The following CMTM4 variants were observed in gnomAD, a reference collection of about 807,000 sequenced individuals.
CMTM4 encodes the protein CKLF like MARVEL transmembrane domain containing 4.
A neutral mutation model predicts 19.0 loss-of-function variants in CMTM4; 8 were observed. That is an observed-to-expected ratio of 0.42 (90% CI 0.25 to 0.76). The LOEUF (loss-of-function observed/expected upper bound fraction) is 0.76. Ranked by LOEUF, CMTM4 falls within the 30% of genes least tolerant of loss-of-function variation. The pLI is 0.27. For missense variants in CMTM4, 228 were observed against 290.2 expected (o/e 0.79, Z 1.56); for synonymous variants, 106 against 121.1 (o/e 0.88, Z 0.82).
intron 1 of CMTM4, among the ~76,000 whole-genome samples, chr16:66,673,861 C>T (rs113033786): frequency 6.6e-6 from 1 of 152,226 alleles, no homozygotes; most frequent in Admixed American, 6.5e-5. Context: ...TCGTGGGATT[C>T]TTTGAGGTCA....
intron 1 of CMTM4, among the ~76,000 whole-genome samples, chr16:66,666,414 C>G (rs1167368698): frequency 1.3e-5 from 2 of 152,042 alleles, no homozygotes; most frequent in Non-Finnish European, 2.9e-5. Flanking sequence ...GATCACGCCA[C>G]TGCACTCCAG....
chr16:66,659,597 C>A (rs148874383), intron 1 of CMTM4, among the ~76,000 whole-genome samples: 1 of 152,132 alleles, frequency 6.6e-6, no homozygotes, highest in African/African-American at 2.4e-5. Context: ...TTGGAGATCA[C>A]TGGGGAAAAG....
chr16:66,684,299 G>A (rs769655739), intron 1 of CMTM4, among the ~76,000 whole-genome samples: 58 of 151,894 alleles, frequency 3.8e-4, no homozygotes, highest in Admixed American at 3.2e-3. Flanking sequence ...TCATCCTCCC[G>A]AGTAGCTGGG....
At chr16:66,632,730 C>T (rs1315211230) in intron 2 of CMTM4, among the ~76,000 whole-genome samples, 1 of 152,050 alleles carries the variant, frequency 6.6e-6, no homozygotes, top group Admixed American at 6.6e-5. Context: ...AGCCCCGTGG[C>T]ACTAATCAAA....
rs1014072800 is a variant in CMTM4, at chr16:66,618,136, G to T, written c.*3922C>A. ...AACCCTGGATTCTGCAACTTCACTA[G>T]GAAATAACAAGGCACCTAGAGACTT... On this transcript the variant is annotated 3_prime_UTR_variant, in exon 4 of 4. Coordinates refer to ENST00000394106, the MANE Select transcript of CMTM4 (RefSeq NM_181521.3). 3 of 985,456 alleles carry T rather than the reference G, an allele frequency of 3.0e-6. No individual in the cohort carries two copies. Among genetic ancestry groups the T allele is most frequent in the Non-Finnish European group, 3.6e-6 (3 of 829,956 alleles). The allele number at this position is 985,456 out of a possible 1,614,324, so 61.0% of individuals were successfully genotyped here.
At chr16:66,627,644 T>C (rs1204564902) in intron 2 of CMTM4, among the ~76,000 whole-genome samples, 1 of 152,216 alleles carries the variant, frequency 6.6e-6, no homozygotes, top group Non-Finnish European at 1.5e-5. Flanking sequence ...ATTTTTTTTT[T>C]CCTGTGTGTG....
Position 66,618,972 on chromosome 16 carries a change from T to A in CMTM4, c.*3086A>T. The A allele has an allele frequency of 1.0e-6, 1 of 985,504 alleles. No homozygotes were observed. Among genetic ancestry groups the A allele is most frequent in the Non-Finnish European group, 1.2e-6 (1 of 829,958 alleles). 61.0% of individuals were successfully genotyped at this position (985,504 alleles called of 1,614,324 possible). A position where few individuals can be genotyped will look rare whatever the true frequency, so the allele number is the denominator to read the frequency against. On this transcript the variant is annotated 3_prime_UTR_variant, in exon 4 of 4. Coordinates refer to ENST00000394106, the MANE Select transcript of CMTM4 (RefSeq NM_181521.3). ...TCACATTGCCAAGGAAGATGTGTAT[T>A]GGGGCTGTGCAGGCTGCCACATTCT...
chr16:66,694,712 C>CAAAA (rs752909314), intron 1 of CMTM4, among the ~76,000 whole-genome samples: 62 of 44,360 alleles, frequency 1.4e-3, no homozygotes, highest in African/African-American at 4.9e-3. Context: ...GACTCCATCT[C>CAAAA]AAAAAAAAAA....
chr16:66,624,414 A>G (rs1289582187), intron 2 of CMTM4, among the ~76,000 whole-genome samples: 1 of 152,250 alleles, frequency 6.6e-6, no homozygotes, highest in Non-Finnish European at 1.5e-5. Context: ...TGATTACACT[A>G]TCCACACCTG....
chr16:66,674,940 A>C (rs2016781528), intron 1 of CMTM4, among the ~76,000 whole-genome samples: 1 of 151,266 alleles, frequency 6.6e-6, no homozygotes, highest in Non-Finnish European at 1.5e-5. Context: ...GTGGGGTTTC[A>C]CCATGTTGGG....
At chr16:66,606,870 G>A in the CMTM4 span, among the ~76,000 whole-genome samples, 1 of 152,202 alleles carries the variant, frequency 6.6e-6, no homozygotes, top group Non-Finnish European at 1.5e-5. Context: ...GCGGGCGCCT[G>A]TAATCCCAGC....
At chr16:66,647,239 G>A (rs967219378) in intron 1 of CMTM4, among the ~76,000 whole-genome samples, 2 of 149,850 alleles carry the variant, frequency 1.3e-5, no homozygotes, top group African/African-American at 4.9e-5. Context: ...CAGGAGAATC[G>A]CTTGAAATGG....
Position 66,621,693 on chromosome 16 carries a change from C to A in CMTM4, c.*365G>T. The A allele has an allele frequency of 9.4e-7, 1 of 1,061,358 alleles. No homozygotes were observed. The allele number at this position is 1,061,358 out of a possible 1,614,324, so 65.7% of individuals were successfully genotyped here. Reference sequence around the variant, plus strand: ...TGCCGACTGACCGTTCCAATGCTGTCCCTTCATTCCTTCATATTTCCCCCC... The same window carrying A: ...TGCCGACTGACCGTTCCAATGCTGTACCTTCATTCCTTCATATTTCCCCCC... On this transcript the variant is annotated 3_prime_UTR_variant, in exon 4 of 4. Coordinates refer to ENST00000394106, the MANE Select transcript of CMTM4 (RefSeq NM_181521.3).
the CMTM4 span, chr16:66,608,373 C>A: frequency 6.2e-7 from 1 of 1,614,224 alleles, no homozygotes; most frequent in Non-Finnish European, 8.5e-7. This position sits in a 1 kb window ranked among gnomAD's most constrained non-coding sequence, Gnocchi z 5.1. Flanking sequence ...CTCACAGCGC[C>A]TCTGCTGGAG....
chr16:66,665,087 T>C (rs1019826193), intron 1 of CMTM4, among the ~76,000 whole-genome samples: 4 of 151,692 alleles, frequency 2.6e-5, no homozygotes, highest in Non-Finnish European at 5.9e-5. Flanking sequence ...AGAATTACAG[T>C]TACATGCCAC....
At chr16:66,626,060 G>C (rs1299583917) in intron 2 of CMTM4, among the ~76,000 whole-genome samples, 1 of 152,224 alleles carries the variant, frequency 6.6e-6, no homozygotes, top group Admixed American at 6.5e-5. Flanking sequence ...ACACTACCAT[G>C]AGGGTGCATG....
chr16:66,683,575 G>A (rs566604719), intron 1 of CMTM4, among the ~76,000 whole-genome samples: 79 of 151,550 alleles, frequency 5.2e-4, no homozygotes, highest in Non-Finnish European at 9.9e-4. Context: ...TACCACGCCC[G>A]GCCCATTTTT....
intron 1 of CMTM4, among the ~76,000 whole-genome samples, chr16:66,639,418 C>T (rs1002548245): frequency 6.6e-6 from 1 of 151,912 alleles, no homozygotes; most frequent in African/African-American, 2.4e-5. Context: ...TGGCAGTGAA[C>T]AAAACAGACA....
At chr16:66,628,259 T>C (rs1393059370) in intron 2 of CMTM4, among the ~76,000 whole-genome samples, 2 of 152,216 alleles carry the variant, frequency 1.3e-5, no homozygotes, top group African/African-American at 2.4e-5. Context: ...CTATCTCAAC[T>C]GCAAGAGGCC....
Sources: allele counts gnomAD v4.1 joint callset (sites outside exome capture counted in the v4.1 genomes callset), GRCh38; gene constraint gnomAD v4.1.1; non-coding constraint Gnocchi (gnomAD v3.1); transcripts MANE v1.5; gene names NCBI Gene and HGNC (gene_info 2026-07-23, HGNC 2026-07-21).